C4BPB: variants seen among roughly 807,000 people sequenced by gnomAD.
C4BPB encodes complement component 4 binding protein beta.
C4BPB carries 19 observed loss-of-function variants against 26.6 expected under a neutral mutation model. The ratio of observed to expected loss-of-function variants is 0.71; its 90% CI spans 0.50 to 1.05. The LOEUF is 1.05. Ranked by LOEUF, C4BPB falls within the 50% of genes least tolerant of loss-of-function variation. C4BPB has a pLI of 0.00. For missense variants in C4BPB, 282 were observed against 302.9 expected (o/e 0.93, Z 0.51); for synonymous variants, 118 against 103.5 (o/e 1.14, Z -0.85).
In C4BPB at chr1:207,096,665, T is replaced by C. The variant is rs748424504; in HGVS notation, c.503+50T>C. 5 of 1,035,302 alleles carry C rather than the reference T, an allele frequency of 4.8e-6. No individual in the cohort carries two copies. In the Admixed American group the frequency reaches 9.6e-5, roughly 20 times the overall value. 64.1% of individuals were successfully genotyped at this position (1,035,302 alleles called of 1,614,324 possible). The stretch of plus-strand genomic sequence containing the variant: ...GCCAGATCTTGCCCCTTGGCAGCAT[T>C]GTTTTGGGGAATAACCCAGTCTGTG... On this transcript the variant is annotated intron_variant, in intron 5 of 6. Transcript: ENST00000367078.
At chr1:207,095,474 G>A (rs1684208404) in intron 4 of C4BPB, 5 of 453,898 alleles carry the variant, frequency 1.1e-5, no homozygotes, top group Middle Eastern at 3.2e-4. Context: ...GGGATTACAG[G>A]TGCGCACCCA....
intron 4 of C4BPB, chr1:207,095,298 G>GA: frequency 2.2e-6 from 1 of 456,586 alleles, no homozygotes; most frequent in South Asian, 1.5e-5. Flanking sequence ...CAGTTCCACA[G>GA]ACTCGTCCTC....
chr1:207,091,821 G>A lies in C4BPB; in HGVS notation c.409+1G>A. ...CCTCCCTTTCCCATCTGCAAAAGTA[G>A]TAAGTACAAGAGAAACCATCAAGGA... is the stretch of plus-strand genomic sequence containing the variant. On this transcript the variant is annotated splice_donor_variant, in intron 4 of 6. Transcript: ENST00000367078. LOFTEE classifies it high-confidence loss of function. 1 of 1,611,456 alleles carries A rather than the reference G, an allele frequency of 6.2e-7. No individual in the cohort carries two copies. Among genetic ancestry groups the A allele is most frequent in the Non-Finnish European group, 8.5e-7 (1 of 1,178,680 alleles).
chr1:207,098,025 G>A (rs1684326506), intron 5 of C4BPB, 125 bp from the exon 6 acceptor site: 1 of 732,470 alleles, frequency 1.4e-6, no homozygotes. Flanking sequence ...CATGCATTGA[G>A]GCTCAAGGGC....
At chr1:207,091,952 C>A in intron 4 of C4BPB, 132 bp downstream of exon 4, 1 of 741,180 alleles carries the variant, frequency 1.3e-6, no homozygotes, top group Non-Finnish European at 2.1e-6. Context: ...AGCAGACAGC[C>A]ATGAAACAAG....
In C4BPB at chr1:207,091,933, T is replaced by G. The variant is rs575739889; in HGVS notation, c.409+113T>G. Reference sequence around the variant, plus strand: ...CTCTTTTTTTGTATCAGAGACAGGCTTAAGATCTAGCAGACAGCCATGAAA... The same window carrying G: ...CTCTTTTTTTGTATCAGAGACAGGCGTAAGATCTAGCAGACAGCCATGAAA... On this transcript the variant is annotated intron_variant, in intron 4 of 6. Transcript: ENST00000367078. 36 of 885,524 alleles carry G rather than the reference T, an allele frequency of 4.1e-5. No individual in the cohort carries two copies. The African/African-American group carries it at 5.1e-4, about 12-fold the overall frequency. The allele number at this position is 885,524 out of a possible 1,614,324, so 54.9% of individuals were successfully genotyped here.
chr1:207,096,435 G>A, intron 4 of C4BPB, 87 bp from the exon 5 acceptor site: 1 of 803,298 alleles, frequency 1.2e-6, no homozygotes, highest in East Asian at 2.5e-5. Flanking sequence ...GCTGTCAGGT[G>A]CTGGCATAAA....
rs371525248 is a variant in C4BPB at position 207,089,549 on chromosome 1, G to C, written c.18G>C (p.Ala6=). The change falls in exon 2 of 7, where the codon GCG becomes GCC. Residue 6 remains alanine, a synonymous_variant. Coordinates refer to ENST00000367078, the MANE Select transcript of C4BPB (RefSeq NM_001017365.3). Reference sequence around the variant, plus strand: ...ATCACCAGATGTTTTTTTGGTGTGCGTGCTGTCTTATGGTTGCGTGGCGAG... The same window carrying C: ...ATCACCAGATGTTTTTTTGGTGTGCCTGCTGTCTTATGGTTGCGTGGCGAG... The part of the protein sequence containing the change: MFFWC[A]CCLMVAWRVS... 1 of 1,613,880 alleles carries C rather than the reference G, an allele frequency of 6.2e-7. No homozygotes were observed. The highest frequency in any genetic ancestry group is 1.3e-5 in the African/African-American group (1 of 74,884).
intron 4 of C4BPB, among the ~76,000 whole-genome samples, chr1:207,093,909 T>C (rs1002752308): frequency 6.6e-6 from 1 of 151,990 alleles, no homozygotes; most frequent in Non-Finnish European, 1.5e-5. Context: ...AACAACCCAA[T>C]AGAAAATAAG....
chr1:207,095,314 T>C (rs1216369742), intron 4 of C4BPB: 1 of 456,612 alleles, frequency 2.2e-6, no homozygotes, highest in Admixed American at 2.3e-5. Flanking sequence ...TCCTCTTCCC[T>C]TCCAGCCATG....
chr1:207,097,569 A>C (rs1684305845), intron 5 of C4BPB, among the ~76,000 whole-genome samples: 1 of 151,494 alleles, frequency 6.6e-6, no homozygotes, highest in African/African-American at 2.4e-5. Flanking sequence ...AAATCAGAGA[A>C]TATAAATACT....
rs544069640 is a variant in C4BPB, at chr1:207,098,280, A to G, written c.618+16A>G. The G allele has an allele frequency of 2.8e-6, 4 of 1,453,656 alleles. No homozygotes were observed. Among genetic ancestry groups the G allele is most frequent in the South Asian group, 1.1e-5 (1 of 87,832 alleles). 90.0% of individuals were successfully genotyped at this position (1,453,656 alleles called of 1,614,324 possible). A position where few individuals can be genotyped will look rare whatever the true frequency, so the allele number is the denominator to read the frequency against. Reference sequence around the variant, plus strand: ...GAAGGCACTTGTAAGTAGGAGGCTCATATCTGTCTTGTTCACAGCTGGATC... The same window carrying G: ...GAAGGCACTTGTAAGTAGGAGGCTCGTATCTGTCTTGTTCACAGCTGGATC... On this transcript the variant is annotated intron_variant, in intron 6 of 6. Transcript: ENST00000367078.
At chr1:207,090,661 T>C (rs774075645) in intron 3 of C4BPB, among the ~76,000 whole-genome samples, 180 bp downstream of exon 3, 2 of 152,248 alleles carry the variant, frequency 1.3e-5, no homozygotes, top group Non-Finnish European at 2.9e-5. Flanking sequence ...GATCAGATCT[T>C]GATCAGTATT....
intron 3 of C4BPB, among the ~76,000 whole-genome samples, chr1:207,090,869 T>C (rs1325680825): frequency 6.6e-6 from 1 of 152,224 alleles, no homozygotes; most frequent in Non-Finnish European, 1.5e-5. Context: ...CATAATTTCA[T>C]CAATTATCCA....
At chr1:207,094,392 G>A (rs1684164284) in intron 4 of C4BPB, among the ~76,000 whole-genome samples, 1 of 152,002 alleles carries the variant, frequency 6.6e-6, no homozygotes, top group Non-Finnish European at 1.5e-5. Context: ...GAGGGAATTT[G>A]GGGTTATTTA....
chr1:207,096,963 G>T (rs575124350), intron 5 of C4BPB, among the ~76,000 whole-genome samples: 9 of 152,288 alleles, frequency 5.9e-5, no homozygotes, highest in African/African-American at 2.2e-4. Context: ...CTTGAGGCCA[G>T]GAGATCAAGA....
intron 4 of C4BPB, chr1:207,095,321 C>T (rs368960789): frequency 2.8e-5 from 13 of 456,616 alleles, no homozygotes; most frequent in African/African-American, 1.6e-4. Flanking sequence ...CCCTTCCAGC[C>T]ATGTTCTCCC....
chr1:207,090,952 C>T (rs924543953), intron 3 of C4BPB, among the ~76,000 whole-genome samples: 2 of 152,058 alleles, frequency 1.3e-5, no homozygotes, highest in African/African-American at 4.8e-5. Context: ...TTTTATTTCA[C>T]CTATCATATA....
intron 4 of C4BPB, among the ~76,000 whole-genome samples, chr1:207,092,213 T>C (rs1227871406): frequency 2.0e-5 from 3 of 152,218 alleles, no homozygotes; most frequent in African/African-American, 7.2e-5. Context: ...AAAGACCCTC[T>C]TTCTATCACT....
Sources: allele counts gnomAD v4.1 joint callset (sites outside exome capture counted in the v4.1 genomes callset), GRCh38; gene constraint gnomAD v4.1.1; transcripts MANE v1.5; gene names NCBI Gene and HGNC (gene_info 2026-07-23, HGNC 2026-07-21).